NPIPB9: variants seen among roughly 807,000 people sequenced by gnomAD.
NPIPB9 encodes the protein nuclear pore complex interacting protein family member B9.
In NPIPB9, 1 loss-of-function variant was observed where a neutral mutation model predicts 5.6. That is an observed-to-expected ratio of 0.18 (90% CI 0.06 to 0.84). The LOEUF (loss-of-function observed/expected upper bound fraction) is 0.84, where lower values mean the gene tolerates loss of function less well. Among genes scored for constraint, NPIPB9 ranks in the 40% least tolerant of loss-of-function variants. NPIPB9 has a pLI of 0.70. For synonymous variants in NPIPB9, 2 were observed against 12.5 expected, an observed-to-expected ratio of 0.16 and a Z score of 1.77; for missense variants, 3 against 39.1, an observed-to-expected ratio of 0.08 and a Z score of 2.46.
At chr16:28,765,843 C>T (rs2049174003) in intron 3 of NPIPB9, among the ~76,000 whole-genome samples, 1 of 105,792 alleles carries the variant, frequency 9.5e-6, no homozygotes, top group Non-Finnish European at 2.1e-5. Flanking sequence ...CAACCTCCGC[C>T]TCCCAGCTTC....
intron 1 of NPIPB9, among the ~76,000 whole-genome samples, chr16:28,754,775 C>A (rs573659868): frequency 7.0e-6 from 1 of 141,908 alleles, no homozygotes; most frequent in East Asian, 2.1e-4. Flanking sequence ...ACTAAGTCAC[C>A]GCAGATTTGC....
chr16:28,756,274 G>T lies in NPIPB9; in HGVS notation c.26-1724G>T, dbSNP rs1460273892. Among the ~76,000 whole-genome samples the T allele has an allele frequency of 1.5e-4, 20 of 129,284 alleles. No individual in the cohort carries two copies. In the East Asian group the frequency reaches 4.3e-3, roughly 28 times the overall value. 84.8% of individuals were successfully genotyped at this position (129,284 alleles called of 152,430 possible). On this transcript the variant is annotated intron_variant, in intron 1 of 7. Transcript: ENST00000550983. ...GGCTGGAGTGCAATGGTACGATCTC[G>T]GCTCACTGCAACCTCCGCCTCCCGG...
intron 2 of NPIPB9, chr16:28,758,549 C>T (rs1596760348): frequency 8.3e-5 from 1 of 11,978 alleles, no homozygotes; most frequent in Non-Finnish European, 1.8e-4. Context: ...TTCCCCTCCC[C>T]CTCCCCTTCC....
intron 1 of NPIPB9, among the ~76,000 whole-genome samples, chr16:28,755,168 G>A (rs1322017546): frequency 1.6e-5 from 2 of 124,804 alleles, no homozygotes; most frequent in African/African-American, 5.7e-5. Context: ...CCCCCGTGTC[G>A]TGCATGTATT....
chr16:28,753,453 T>G (rs2048699196), intron 1 of NPIPB9, among the ~76,000 whole-genome samples: 1 of 62,200 alleles, frequency 1.6e-5, no homozygotes, highest in Non-Finnish European at 3.3e-5. Context: ...CATTATCTTG[T>G]CTTTTAAAAT....
chr16:28,756,239 C>T (rs2048812142), intron 1 of NPIPB9, among the ~76,000 whole-genome samples: 1 of 125,384 alleles, frequency 8.0e-6, no homozygotes, highest in African/African-American at 2.8e-5. Context: ...TCATTCCATT[C>T]TGTCACCCAG....
Position 28,759,483 on chromosome 16 carries a change from C to G in NPIPB9, c.111+1400C>G, listed in dbSNP as rs1461863636. 4.2e-4 allele frequency among the ~76,000 whole-genome samples: 25 copies of G among 59,742 alleles called. 1 individual carries two copies. Among genetic ancestry groups the G allele is most frequent in the African/African-American group, 1.9e-3 (24 of 12,390 alleles). 39.2% of individuals were successfully genotyped at this position (59,742 alleles called of 152,430 possible). A position where few individuals can be genotyped will look rare whatever the true frequency, so the allele number is the denominator to read the frequency against. ...GTAAGTTTACTAACTTTGGAAAGTA[C>G]TTACACCAGCATAAACCGACCCCCT... On this transcript the variant is annotated intron_variant, in intron 2 of 7. Transcript: ENST00000550983.
intron 3 of NPIPB9, among the ~76,000 whole-genome samples, chr16:28,765,348 C>T (rs1236870333): frequency 3.0e-4 from 8 of 26,872 alleles, no homozygotes; most frequent in South Asian, 9.3e-4. Flanking sequence ...GTGATTCACC[C>T]GCCTCAGCCT....
intron 1 of NPIPB9, among the ~76,000 whole-genome samples, chr16:28,754,844 T>A (rs2048759171): frequency 7.1e-6 from 1 of 140,672 alleles, no homozygotes; most frequent in Non-Finnish European, 1.6e-5. Context: ...ACCAACATGA[T>A]GAAACAGAGT....
chr16:28,753,316 A>G (rs2048693811), intron 1 of NPIPB9, among the ~76,000 whole-genome samples: 1 of 87,216 alleles, frequency 1.1e-5, no homozygotes, highest in Non-Finnish European at 2.5e-5. Flanking sequence ...GAATAAAAGA[A>G]TTAACCACAT....
At chr16:28,753,531 T>TACAC (rs1158927991) in intron 1 of NPIPB9, among the ~76,000 whole-genome samples, 1,744 of 41,990 alleles carry the variant, frequency 0.042, 195 homozygotes, top group African/African-American at 0.068. Flanking sequence ...CACACATACA[T>TACAC]ACACACACAC....
At chr16:28,758,576 C>A (rs1366065651) in intron 2 of NPIPB9, 1 of 76,372 alleles carries the variant, frequency 1.3e-5, no homozygotes, top group African/African-American at 1.8e-4. Context: ...CCTCCCCTTC[C>A]CCTCCCCCTC....
intron 5 of NPIPB9, chr16:28,769,701 C>G (rs981931859): frequency 5.0e-6 from 4 of 806,884 alleles, no homozygotes; most frequent in Non-Finnish European, 5.9e-6. Context: ...TGAGAGAGAG[C>G]GAGAGAGAGT....
intron 1 of NPIPB9, among the ~76,000 whole-genome samples, chr16:28,754,855 A>C (rs1338535866): frequency 2.1e-5 from 3 of 141,296 alleles, no homozygotes; most frequent in African/African-American, 7.7e-5. Context: ...GAAACAGAGT[A>C]GACTTCAGAA....
At chr16:28,758,527 C>A (rs1276138556) in intron 2 of NPIPB9, 1 of 36,748 alleles carries the variant, frequency 2.7e-5, no homozygotes, top group Non-Finnish European at 5.5e-5. Flanking sequence ...CCCCCTTCCC[C>A]TCCCCTTCCC....
intron 1 of NPIPB9, among the ~76,000 whole-genome samples, chr16:28,753,856 C>A: frequency 1.7e-5 from 1 of 60,266 alleles, no homozygotes; most frequent in African/African-American, 5.1e-5. Flanking sequence ...CCGCTGCACC[C>A]GGTCCAAGAT....
At chr16:28,765,101 A>ATTTTTTT (rs1160508157) in intron 3 of NPIPB9, among the ~76,000 whole-genome samples, 1 of 40,192 alleles carries the variant, frequency 2.5e-5, no homozygotes, top group African/African-American at 9.5e-5. Flanking sequence ...TATTCATGTC[A>ATTTTTTT]TTTTTTTTTT....
chr16:28,765,751 G>A (rs2049164506), intron 3 of NPIPB9, among the ~76,000 whole-genome samples: 1 of 100,764 alleles, frequency 9.9e-6, no homozygotes. Context: ...GTGTGTGTGT[G>A]TGTGTGTGTG....
At chr16:28,765,098 G>T (rs1596775192) in intron 3 of NPIPB9, among the ~76,000 whole-genome samples, 1 of 55,044 alleles carries the variant, frequency 1.8e-5, no homozygotes, top group Non-Finnish European at 3.7e-5. Context: ...GTATATTCAT[G>T]TCATTTTTTT....
Sources: allele counts gnomAD v4.1 joint callset (sites outside exome capture counted in the v4.1 genomes callset), GRCh38; gene constraint gnomAD v4.1.1; transcripts MANE v1.5; gene names NCBI Gene and HGNC (gene_info 2026-07-23, HGNC 2026-07-21).